Variants in LRRC4C observed in about 807,000 individuals in gnomAD.
The protein encoded by LRRC4C is leucine-rich repeat-containing protein 4C.
LRRC4C carries 5 observed loss-of-function variants against 33.6 expected under a neutral mutation model. That is an observed-to-expected ratio of 0.15 (90% CI 0.08 to 0.31). The LOEUF is 0.31. LRRC4C is among the 10% of genes least tolerant of loss of function. LRRC4C has a pLI of 1.00. For missense variants in LRRC4C, 560 were observed against 796.7 expected (o/e 0.70, Z 3.58); for synonymous variants, 329 against 302.0 (o/e 1.09, Z -0.93).
chr11:40,765,737 G>T (rs576866517), intron 2 of LRRC4C, among the ~76,000 whole-genome samples: 6 of 151,354 alleles, frequency 4.0e-5, no homozygotes, highest in African/African-American at 1.5e-4. Flanking sequence ...GCAGAAGAAA[G>T]AACTGCTGAT....
At chr11:41,077,830 A>C (rs1251369584) in intron 1 of LRRC4C, among the ~76,000 whole-genome samples, 4 of 152,198 alleles carry the variant, frequency 2.6e-5, no homozygotes, top group Non-Finnish European at 4.4e-5. Context: ...CCAAACGTTT[A>C]TGCTCTGCTT....
rs1042712759 is a variant in LRRC4C at position 40,763,050 on chromosome 11, AAT to A, written c.-406-114774_-406-114773del. On this transcript the variant is annotated intron_variant, in intron 2 of 6. Coordinates refer to ENST00000528697, the MANE Select transcript of LRRC4C (RefSeq NM_001258419.2). Reference sequence around the variant, plus strand: ...GGCCATTTAAAAATCCCTCTCTCCAAATATATATATATGTATATATATGTATA... The same window carrying A: ...GGCCATTTAAAAATCCCTCTCTCCAAATATATATATGTATATATATGTATA... 5.3e-4 allele frequency among the ~76,000 whole-genome samples: 25 copies of A among 46,922 alleles called. No individual in the cohort carries two copies. In the South Asian group the frequency reaches 0.013, roughly 24 times the overall value. 30.8% of individuals were successfully genotyped at this position (46,922 alleles called of 152,430 possible).
At chr11:40,129,110 T>G (rs1237915418) in intron 6 of LRRC4C, among the ~76,000 whole-genome samples, 1 of 152,030 alleles carries the variant, frequency 6.6e-6, no homozygotes, top group Non-Finnish European at 1.5e-5. Flanking sequence ...AATGAATGAG[T>G]GCCCCACGCA....
chr11:41,372,970 T>C (rs1952808277), intron 1 of LRRC4C, among the ~76,000 whole-genome samples: 1 of 152,180 alleles, frequency 6.6e-6, no homozygotes, highest in Admixed American at 6.5e-5. Flanking sequence ...CTTACTCTAT[T>C]TCTTATTTAA....
chr11:40,919,645 C>G (rs186668983), intron 2 of LRRC4C, among the ~76,000 whole-genome samples: 15 of 152,200 alleles, frequency 9.9e-5, no homozygotes, highest in Admixed American at 9.2e-4. Flanking sequence ...AGTTCTGGGT[C>G]TGGGTCTGTA....
chr11:40,719,156 A>G (rs1429720018), intron 2 of LRRC4C, among the ~76,000 whole-genome samples: 1 of 152,222 alleles, frequency 6.6e-6, no homozygotes, highest in Non-Finnish European at 1.5e-5. Flanking sequence ...CTTGCTGTCA[A>G]AAGATAAAGG....
At chr11:40,883,929 A>G (rs1955308847) in intron 2 of LRRC4C, among the ~76,000 whole-genome samples, 1 of 149,556 alleles carries the variant, frequency 6.7e-6, no homozygotes, top group Non-Finnish European at 1.5e-5. Context: ...AAGTTCTGGG[A>G]TACATGTGCT....
intron 1 of LRRC4C, among the ~76,000 whole-genome samples, chr11:41,209,941 C>T (rs1946754024): frequency 1.3e-5 from 2 of 152,022 alleles, no homozygotes; most frequent in South Asian, 4.1e-4. Context: ...ACTCGTGTCA[C>T]TGTAGGGAGA....
At chr11:41,332,341 GT>G (rs963838081) in intron 1 of LRRC4C, among the ~76,000 whole-genome samples, 1 of 152,048 alleles carries the variant, frequency 6.6e-6, no homozygotes, top group Admixed American at 6.6e-5. Flanking sequence ...ATACTTTAGG[GT>G]TTTTTTAAAA....
chr11:40,360,364 A>G (rs1219485134), intron 3 of LRRC4C, among the ~76,000 whole-genome samples: 1 of 152,178 alleles, frequency 6.6e-6, no homozygotes, highest in African/African-American at 2.4e-5. Context: ...TCTGCCAATC[A>G]TTACATGAGT....
In LRRC4C at chr11:40,206,190, C is replaced by T. The variant is rs550429903; in HGVS notation, c.-96+35329G>A. On this transcript the variant is annotated intron_variant, in intron 5 of 6. Transcript: ENST00000528697. The stretch of plus-strand genomic sequence containing the variant: ...AGAAAATTAATTGAGGTAATCTTCC[C>T]AACAATTTTATAGGACAGAGAATGG... Among the ~76,000 whole-genome samples, 35 of 152,022 alleles carry T rather than the reference C, an allele frequency of 2.3e-4. 1 individual carries two copies. In the South Asian group the frequency reaches 7.1e-3, roughly 31 times the overall value.
chr11:40,804,152 T>C (rs1374165019), intron 2 of LRRC4C, among the ~76,000 whole-genome samples: 2 of 152,124 alleles, frequency 1.3e-5, no homozygotes, highest in African/African-American at 2.4e-5. Flanking sequence ...CTAATTTTAC[T>C]AAAAATACCA....
At chr11:40,437,518 T>C (rs1242097681) in intron 3 of LRRC4C, among the ~76,000 whole-genome samples, 3 of 148,300 alleles carry the variant, frequency 2.0e-5, no homozygotes, top group African/African-American at 5.0e-5. Flanking sequence ...CTCAGCCTCC[T>C]GGGTAGCTGG....
intron 2 of LRRC4C, among the ~76,000 whole-genome samples, chr11:40,906,850 ATAAAGTG>A (rs1956443908): frequency 6.6e-6 from 1 of 152,232 alleles, no homozygotes; most frequent in Admixed American, 6.5e-5. Context: ...AAAAGAAAAG[ATAAAGTG>A]TAAAAAACAC....
intron 2 of LRRC4C, among the ~76,000 whole-genome samples, chr11:40,907,009 A>G: frequency 6.6e-6 from 1 of 152,164 alleles, no homozygotes; most frequent in Non-Finnish European, 1.5e-5. Flanking sequence ...ATTTTAGTGT[A>G]TGGAGTTATA....
intron 3 of LRRC4C, among the ~76,000 whole-genome samples, chr11:40,373,358 AT>A: frequency 6.6e-6 from 1 of 152,204 alleles, no homozygotes; most frequent in Admixed American, 6.5e-5. Context: ...TTTATAAAAA[AT>A]ATCATAAAGT....
intron 3 of LRRC4C, among the ~76,000 whole-genome samples, chr11:40,586,901 G>A (rs1450438196): frequency 6.6e-6 from 1 of 152,160 alleles, no homozygotes; most frequent in Non-Finnish European, 1.5e-5. Context: ...TTTGAAGTCA[G>A]GTAGAGTGAT....
chr11:40,712,045 T>C (rs928698993), intron 2 of LRRC4C, among the ~76,000 whole-genome samples: 1 of 152,184 alleles, frequency 6.6e-6, no homozygotes, highest in African/African-American at 2.4e-5. Flanking sequence ...CCACATCTAA[T>C]AACACAGGAG....
chr11:40,240,790 A>C (rs1010087612), intron 5 of LRRC4C, among the ~76,000 whole-genome samples: 2 of 152,098 alleles, frequency 1.3e-5, no homozygotes. Flanking sequence ...AACACAATAT[A>C]GGTAATAATA....
Sources: gnomAD v4.1 joint callset for allele counts (sites outside exome capture counted in the v4.1 genomes callset) on GRCh38, gnomAD v4.1.1 for gene constraint, MANE v1.5 for transcripts, NCBI Gene and HGNC (gene_info 2026-07-23, HGNC 2026-07-21) for gene names.